Variants in KCNK10 observed in about 807,000 individuals in gnomAD.
KCNK10 encodes potassium channel subfamily K member 10.
In KCNK10, 25 loss-of-function variants were observed where a neutral mutation model predicts 47.7. The ratio of observed to expected loss-of-function variants is 0.52; its 90% confidence interval spans 0.38 to 0.73. The LOEUF is 0.73. Ranked by LOEUF, KCNK10 falls within the 30% of genes least tolerant of loss-of-function variation. The probability of loss-of-function intolerance (pLI) is 0.00; values close to 1 mark genes in which losing one functional copy is unlikely to be tolerated. For missense variants in KCNK10, 563 were observed against 714.5 expected (o/e 0.79, Z 2.42); for synonymous variants, 303 against 285.6 (o/e 1.06, Z -0.61).
At chr14:88,257,643 A>G (rs1886993492) in intron 2 of KCNK10, among the ~76,000 whole-genome samples, 1 of 152,188 alleles carries the variant, frequency 6.6e-6, no homozygotes, top group Admixed American at 6.5e-5. Context: ...GGTGAACTTA[A>G]GCCATCATTT....
At chr14:88,312,351 G>A (rs1888343670) in intron 1 of KCNK10, among the ~76,000 whole-genome samples, 1 of 152,204 alleles carries the variant, frequency 6.6e-6, no homozygotes. Flanking sequence ...GACAAGGAGT[G>A]CTAACGGTCC....
intron 1 of KCNK10, among the ~76,000 whole-genome samples, chr14:88,280,069 C>T (rs956297381): frequency 6.6e-6 from 1 of 152,104 alleles, no homozygotes; most frequent in Non-Finnish European, 1.5e-5. Flanking sequence ...TTATCAGCAG[C>T]GTGAAAATGG....
intron 1 of KCNK10, among the ~76,000 whole-genome samples, chr14:88,305,109 G>C (rs1164848079): frequency 6.6e-6 from 1 of 152,048 alleles, no homozygotes; most frequent in Non-Finnish European, 1.5e-5. Context: ...TGAAGTGGGA[G>C]AATCGCTTGA....
At chr14:88,279,371 G>A (rs1203558397) in intron 1 of KCNK10, among the ~76,000 whole-genome samples, 1 of 88,616 alleles carries the variant, frequency 1.1e-5, no homozygotes, top group African/African-American at 3.5e-5. Context: ...ATACGTGTGT[G>A]TGTGTGTGTG....
chr14:88,316,203 G>A (rs747102067), intron 1 of KCNK10, among the ~76,000 whole-genome samples: 1 of 151,820 alleles, frequency 6.6e-6, no homozygotes, highest in Admixed American at 6.6e-5. Context: ...CCTCATGACC[G>A]TGCCCTCCCC....
intron 1 of KCNK10, among the ~76,000 whole-genome samples, chr14:88,310,423 T>C (rs1888304577): frequency 6.6e-6 from 1 of 151,758 alleles, no homozygotes. Flanking sequence ...GATGGATGAG[T>C]GACAACAGCC....
intron 3 of KCNK10, 95 bp downstream of exon 3, chr14:88,240,608 A>C: frequency 2.6e-6 from 2 of 778,850 alleles, no homozygotes; most frequent in Non-Finnish European, 4.5e-6. Flanking sequence ...TCTGAACCTC[A>C]AACTATAGTG....
chr14:88,291,327 A>C (rs2139781053), intron 1 of KCNK10, among the ~76,000 whole-genome samples: 1 of 152,310 alleles, frequency 6.6e-6, no homozygotes, highest in African/African-American at 2.4e-5. Context: ...TTACAAGGCA[A>C]TGTTAAGTGA....
At position 88,285,894 on chromosome 14, in the gene KCNK10, C is replaced by T. The variant is rs181959039; in HGVS notation, c.53-22343G>A. 1.6e-3 allele frequency among the ~76,000 whole-genome samples: 242 copies of T among 152,250 alleles called. 1 individual carries two copies. Among genetic ancestry groups the T allele is most frequent in the African/African-American group, 5.6e-3 (234 of 41,542 alleles). On this transcript the variant is annotated intron_variant, in intron 1 of 6. Coordinates refer to ENST00000319231, the MANE Select transcript of KCNK10 (RefSeq NM_138317.3). The stretch of plus-strand genomic sequence containing the variant: ...CGTGAGAACATCGAACCTATGTTCC[C>T]TCTCCTTGAATCTGGACAGGCTTGT...
intron 4 of KCNK10, among the ~76,000 whole-genome samples, chr14:88,200,039 CTCTTTCTTTCTTCTTCTTT>C (rs1293950162): frequency 1.4e-5 from 2 of 141,872 alleles, no homozygotes; most frequent in Non-Finnish European, 3.0e-5. Context: ...CTTTCTTTCT[CTCTTTCTTTCTTCTTCTTT>C]TCTTTCTTTC....
At chr14:88,234,875 T>C (rs371350791) in intron 3 of KCNK10, among the ~76,000 whole-genome samples, 4 of 152,094 alleles carry the variant, frequency 2.6e-5, no homozygotes, top group South Asian at 2.1e-4. Context: ...GAAGCGGAGA[T>C]TGGACAGAAG....
At chr14:88,236,102 G>GC (rs148851117) in intron 3 of KCNK10, among the ~76,000 whole-genome samples, 2 of 152,278 alleles carry the variant, frequency 1.3e-5, no homozygotes, top group African/African-American at 4.8e-5. Flanking sequence ...GATCCTTTGA[G>GC]GCCAGGAGTC....
chr14:88,232,126 A>G lies in KCNK10; in HGVS notation c.521-4591T>C, dbSNP rs377748250. ...GAAGACCACACTTCACAACGTTAAC[A>G]CCATGGTGTTACATTATTACTAAAA... On this transcript the variant is annotated intron_variant, in intron 3 of 6. Transcript: ENST00000319231. Among the ~76,000 whole-genome samples, 27 of 152,322 alleles carry G rather than the reference A, an allele frequency of 1.8e-4. 1 individual carries two copies. Among genetic ancestry groups the G allele is most frequent in the African/African-American group, 6.5e-4 (27 of 41,564 alleles).
At chr14:88,270,602 T>C in intron 1 of KCNK10, 1 of 714,860 alleles carries the variant, frequency 1.4e-6, no homozygotes, top group Non-Finnish European at 2.6e-6. Flanking sequence ...TATGATGAAA[T>C]GACTGAGACC....
intron 2 of KCNK10, among the ~76,000 whole-genome samples, chr14:88,245,854 G>T (rs1886622892): frequency 6.6e-6 from 1 of 152,168 alleles, no homozygotes. Context: ...GCTATGCTGG[G>T]ACCACAGGAC....
chr14:88,290,440 T>C (rs563292039), intron 1 of KCNK10, among the ~76,000 whole-genome samples: 1 of 152,308 alleles, frequency 6.6e-6, no homozygotes, highest in East Asian at 1.9e-4. Flanking sequence ...GCTATGCAGT[T>C]TGTGCAACTT....
intron 1 of KCNK10, among the ~76,000 whole-genome samples, chr14:88,293,676 C>T (rs1179680145): frequency 6.6e-6 from 1 of 151,708 alleles, no homozygotes; most frequent in East Asian, 2.0e-4. Flanking sequence ...CCTTCTCCTC[C>T]TCCTTCTTCT....
Position 88,309,783 on chromosome 14 carries a change from A to C in KCNK10, c.52+12964T>G, listed in dbSNP as rs539293560. Among the ~76,000 whole-genome samples, 3 of 152,278 alleles carry C rather than the reference A, an allele frequency of 2.0e-5. No individual in the cohort carries two copies. In the South Asian group the frequency reaches 6.2e-4, roughly 32 times the overall value. On this transcript the variant is annotated intron_variant, in intron 1 of 6. Transcript: ENST00000319231. ...CCAATCTAGATTCAGTATTGCCCTA[A>C]GAAGCCTCAATGGACTTGGATATCT... is the stretch of plus-strand genomic sequence containing the variant.
chr14:88,257,736 T>C (rs1375173972), intron 2 of KCNK10, among the ~76,000 whole-genome samples: 2 of 152,222 alleles, frequency 1.3e-5, no homozygotes, highest in African/African-American at 4.8e-5. Context: ...CTGAAGGAGA[T>C]AAATAACCAC....
Sources: gnomAD v4.1 joint callset for allele counts (sites outside exome capture counted in the v4.1 genomes callset) on GRCh38, gnomAD v4.1.1 for gene constraint, MANE v1.5 for transcripts, NCBI Gene and HGNC (gene_info 2026-07-23, HGNC 2026-07-21) for gene names.